Variants in ITFG1 observed in about 807,000 individuals in gnomAD.
ITFG1 encodes T-cell immunomodulatory protein.
A neutral mutation model predicts 81.8 loss-of-function variants in ITFG1; 34 were observed. The observed-to-expected ratio is 0.42, with a 90% CI of 0.32 to 0.55. The LOEUF (loss-of-function observed/expected upper bound fraction) is 0.55. ITFG1 is among the 20% of genes least tolerant of loss of function. The pLI, the probability that ITFG1 is intolerant of heterozygous loss-of-function variation, is 0.17. For missense variants in ITFG1, 672 were observed against 755.4 expected (o/e 0.89, Z 1.29); for synonymous variants, 285 against 270.6 (o/e 1.05, Z -0.52).
chr16:47,382,994 T>G lies in ITFG1; in HGVS notation c.656-7054A>C, dbSNP rs1009554061. Among the ~76,000 whole-genome samples, 3 of 152,350 alleles carry G rather than the reference T, an allele frequency of 2.0e-5. No individual in the cohort carries two copies. In the East Asian group the frequency reaches 5.8e-4, roughly 29 times the overall value. ...GACTTAGCAATATTTTGAATTCTGG[T>G]GTTAAATATATGTATCAAGTGAAGT... On this transcript the variant is annotated intron_variant, in intron 6 of 17. Transcript: ENST00000320640.
At chr16:47,410,632 G>C (rs1968798180) in intron 6 of ITFG1, among the ~76,000 whole-genome samples, 1 of 152,144 alleles carries the variant, frequency 6.6e-6, no homozygotes. Context: ...TGAGCACCTT[G>C]ACGAGTTCCT....
At chr16:47,344,201 C>T (rs1264671040) in intron 8 of ITFG1, among the ~76,000 whole-genome samples, 2 of 152,086 alleles carry the variant, frequency 1.3e-5, no homozygotes, top group Non-Finnish European at 2.9e-5. Context: ...GTTAATGATG[C>T]ACAACAGTGT....
chr16:47,439,704 A>C (rs970743351), intron 5 of ITFG1, among the ~76,000 whole-genome samples: 1 of 152,216 alleles, frequency 6.6e-6, no homozygotes, highest in African/African-American at 2.4e-5. Flanking sequence ...ATGGAAAGGA[A>C]CAACCGGTAT....
chr16:47,269,299 T>C (rs998635873), intron 10 of ITFG1, among the ~76,000 whole-genome samples: 6 of 152,020 alleles, frequency 3.9e-5, no homozygotes, highest in African/African-American at 1.5e-4. Context: ...ACCAGTAAGT[T>C]TGGCTAGGTG....
intron 12 of ITFG1, among the ~76,000 whole-genome samples, chr16:47,240,687 A>G (rs1169184538): frequency 6.6e-6 from 1 of 152,248 alleles, no homozygotes; most frequent in Non-Finnish European, 1.5e-5. Context: ...AAATATGGTA[A>G]ATACATAAAA....
intron 13 of ITFG1, among the ~76,000 whole-genome samples, chr16:47,227,899 T>C (rs186484754): frequency 1.3e-5 from 2 of 152,334 alleles, no homozygotes; most frequent in Admixed American, 1.3e-4. Context: ...CTGTTTATTT[T>C]TTAAGTGAAC....
At chr16:47,425,536 T>G (rs541576847) in intron 6 of ITFG1, among the ~76,000 whole-genome samples, 1 of 151,450 alleles carries the variant, frequency 6.6e-6, no homozygotes, top group South Asian at 2.1e-4. Context: ...TTGATCTCAC[T>G]GGGAGCTGCA....
intron 8 of ITFG1, among the ~76,000 whole-genome samples, chr16:47,325,139 G>A (rs1419462112): frequency 6.6e-6 from 1 of 152,166 alleles, no homozygotes; most frequent in Non-Finnish European, 1.5e-5. Flanking sequence ...CTGTCTCTCA[G>A]ACCACAGTGC....
Position 47,460,913 on chromosome 16 carries a change from C to G in ITFG1, c.133G>C (p.Glu45Gln). The change falls in exon 1 of 18, where the codon GAG becomes CAG. Residue 45 changes from glutamate to glutamine, a missense_variant. Transcript: ENST00000320640. ...HNVTAELFGAEAWGTLAAFGD... is the reference protein window; with the variant it reads ...HNVTAELFGAQAWGTLAAFGD... ...AAAGCCGCAAGGGTGCCCCAGGCCT[C>G]GGCCCCAAAGAGCTCGGCCGTGACG... 1 of 1,613,298 alleles carries G rather than the reference C, an allele frequency of 6.2e-7. No homozygotes were observed. Among genetic ancestry groups the G allele is most frequent in the Non-Finnish European group, 8.5e-7 (1 of 1,179,932 alleles).
chr16:47,350,359 C>G (rs933748510), intron 8 of ITFG1, among the ~76,000 whole-genome samples: 3 of 151,986 alleles, frequency 2.0e-5, no homozygotes, highest in Non-Finnish European at 4.4e-5. Flanking sequence ...CAAATAGACG[C>G]AATAAAAAAT....
At chr16:47,324,460 T>C (rs1298671185) in intron 8 of ITFG1, among the ~76,000 whole-genome samples, 1 of 152,158 alleles carries the variant, frequency 6.6e-6, no homozygotes. Flanking sequence ...AACATCATAA[T>C]GACAGGATCA....
At chr16:47,301,663 T>C (rs770825631) in intron 10 of ITFG1, among the ~76,000 whole-genome samples, 7 of 152,188 alleles carry the variant, frequency 4.6e-5, no homozygotes, top group Admixed American at 6.5e-5. Context: ...CCCAAAGTAC[T>C]GGGATTACAG....
In ITFG1 at chr16:47,194,232, TG is replaced by T. The variant is rs1342617765; in HGVS notation, c.1453+24635del. ...GTTACCTGATCAATTCAGTCAATAATGGTCTTTCTTTGAACTCTATTGCACT... is the reference window on the plus strand; with the variant it reads ...GTTACCTGATCAATTCAGTCAATAATGTCTTTCTTTGAACTCTATTGCACT... On this transcript the variant is annotated intron_variant, in intron 14 of 17. Transcript: ENST00000320640. Among the ~76,000 whole-genome samples, 8 of 152,242 alleles carry T rather than the reference TG, an allele frequency of 5.3e-5. No homozygotes were observed. The East Asian group carries it at 1.5e-3, about 29-fold the overall frequency.
At chr16:47,350,992 C>T (rs1247853447) in intron 8 of ITFG1, among the ~76,000 whole-genome samples, 1 of 152,150 alleles carries the variant, frequency 6.6e-6, no homozygotes, top group Non-Finnish European at 1.5e-5. Context: ...CAGAAAAGGC[C>T]TTTGACAAAA....
chr16:47,366,012 T>C, intron 7 of ITFG1, 143 bp from the exon 8 acceptor site: 1 of 534,308 alleles, frequency 1.9e-6, no homozygotes, highest in Non-Finnish European at 3.4e-6. Context: ...AATCTCCTGT[T>C]TCACTTTTAT....
chr16:47,263,348 G>A (rs1966234199), intron 10 of ITFG1: 1 of 479,566 alleles, frequency 2.1e-6, no homozygotes. Flanking sequence ...TCTGGCCCAT[G>A]AGGTAAGCTA....
At chr16:47,294,796 T>C (rs1966958515) in intron 10 of ITFG1, among the ~76,000 whole-genome samples, 2 of 152,188 alleles carry the variant, frequency 1.3e-5, no homozygotes, top group African/African-American at 4.8e-5. Flanking sequence ...TTAGACCATA[T>C]CTTTAGTGAA....
intron 12 of ITFG1, among the ~76,000 whole-genome samples, chr16:47,242,653 C>T (rs1965948033): frequency 6.6e-6 from 1 of 151,946 alleles, no homozygotes; most frequent in Non-Finnish European, 1.5e-5. Flanking sequence ...TGGCAAAGAT[C>T]AAAAAGTTTA....
At chr16:47,237,665 G>T (rs533670209) in intron 13 of ITFG1, among the ~76,000 whole-genome samples, 1 of 152,018 alleles carries the variant, frequency 6.6e-6, no homozygotes, top group Non-Finnish European at 1.5e-5. Context: ...GTGTGGAGAG[G>T]CATCTAATCT....
Sources: allele counts gnomAD v4.1 joint callset (sites outside exome capture counted in the v4.1 genomes callset), GRCh38; gene constraint gnomAD v4.1.1; transcripts MANE v1.5; gene names NCBI Gene and HGNC (gene_info 2026-07-23, HGNC 2026-07-21).